The following MSRB3 variants were observed in gnomAD, a reference collection of about 807,000 sequenced individuals.
MSRB3 encodes the protein methionine-R-sulfoxide reductase B3.
A neutral mutation model predicts 21.0 loss-of-function variants in MSRB3; 13 were observed. That is an observed-to-expected ratio of 0.62 (90% confidence interval 0.40 to 0.98). The LOEUF (loss-of-function observed/expected upper bound fraction) is 0.98, where lower values mean the gene tolerates loss of function less well. Among genes scored for constraint, MSRB3 ranks in the 50% least tolerant of loss-of-function variants. The pLI, the probability that MSRB3 is intolerant of heterozygous loss-of-function variation, is 0.00. For synonymous variants in MSRB3, 87 were observed against 88.6 expected, an observed-to-expected ratio of 0.98 and a Z score of 0.10; for missense variants, 199 against 230.3, an observed-to-expected ratio of 0.86 and a Z score of 0.88.
At chr12:65,459,017 T>C (rs573719625) in intron 6 of MSRB3, among the ~76,000 whole-genome samples, 24 of 152,216 alleles carry the variant, frequency 1.6e-4, no homozygotes, top group Non-Finnish European at 2.8e-4. Flanking sequence ...GTGAAGTAAG[T>C]TCCTTCTAGA....
At position 65,397,675 on chromosome 12, in the gene MSRB3, G is replaced by A. The variant is rs2136594257; in HGVS notation, c.292+28649G>A. Among the ~76,000 whole-genome samples, 5 of 152,044 alleles carry A rather than the reference G, an allele frequency of 3.3e-5. 1 individual carries two copies. In the Middle Eastern group the frequency reaches 0.014, roughly 414 times the overall value. On this transcript the variant is annotated intron_variant, in intron 5 of 6. Transcript: ENST00000308259. The stretch of plus-strand genomic sequence containing the variant: ...GCAGAACATGCAGGTTTGTTACATA[G>A]GTATACACGTGCCATGGTGGTTTGC...
At chr12:65,294,073 C>CCCTTCTGTTATCTG (rs1872810981) in intron 1 of MSRB3, among the ~76,000 whole-genome samples, 4 of 152,188 alleles carry the variant, frequency 2.6e-5, no homozygotes, top group Admixed American at 2.6e-4. Context: ...GAATTCCAGG[C>CCCTTCTGTTATCTG]AGTGCCCCCA....
chr12:65,380,589 T>C (rs1019417429), intron 5 of MSRB3, among the ~76,000 whole-genome samples: 4 of 152,056 alleles, frequency 2.6e-5, no homozygotes, highest in Admixed American at 2.6e-4. Flanking sequence ...AGAAAAAGAA[T>C]TGGTACTTAA....
chr12:65,393,740 GACAT>G (rs1775670668), intron 5 of MSRB3, among the ~76,000 whole-genome samples: 1 of 151,424 alleles, frequency 6.6e-6, no homozygotes, highest in African/African-American at 2.4e-5. Context: ...GTTTACAAAG[GACAT>G]ACATACACAC....
At chr12:65,289,990 G>A (rs1162056020) in intron 1 of MSRB3, among the ~76,000 whole-genome samples, 1 of 151,934 alleles carries the variant, frequency 6.6e-6, no homozygotes, top group Non-Finnish European at 1.5e-5. Context: ...CTAAAACTTA[G>A]CATTTATTAT....
intron 2 of MSRB3, among the ~76,000 whole-genome samples, chr12:65,324,937 G>A (rs541109690): frequency 4.9e-4 from 74 of 152,288 alleles, no homozygotes; most frequent in Non-Finnish European, 7.6e-4. Context: ...GGATAGAATT[G>A]TTTGATTTTA....
chr12:65,393,176 T>C (rs984782582), intron 5 of MSRB3, among the ~76,000 whole-genome samples: 1 of 152,216 alleles, frequency 6.6e-6, no homozygotes, highest in South Asian at 2.1e-4. Context: ...TGCATTTACC[T>C]TTGCTATTGT....
chr12:65,350,027 GT>G (rs762746528), intron 4 of MSRB3, among the ~76,000 whole-genome samples: 6,337 of 152,012 alleles, frequency 0.042, 431 homozygotes, highest in African/African-American at 0.14. Context: ...TTCTTCTAGG[GT>G]TTTTATGGTT....
At chr12:65,409,009 C>T (rs1346336673) in intron 5 of MSRB3, among the ~76,000 whole-genome samples, 1 of 152,122 alleles carries the variant, frequency 6.6e-6, no homozygotes, top group Non-Finnish European at 1.5e-5. Flanking sequence ...AGAGGTAAAA[C>T]ATATGAAAGT....
chr12:65,438,203 A>G (rs1466045733), intron 5 of MSRB3, among the ~76,000 whole-genome samples: 1 of 151,950 alleles, frequency 6.6e-6, no homozygotes, highest in African/African-American at 2.4e-5. Flanking sequence ...ATTTGAAAAG[A>G]TCATGATTTC....
intron 4 of MSRB3, among the ~76,000 whole-genome samples, chr12:65,344,492 T>G (rs1876356294): frequency 6.6e-6 from 1 of 152,052 alleles, no homozygotes; most frequent in African/African-American, 2.4e-5. Flanking sequence ...TCCAGAGCAC[T>G]GTGTGGTTCA....
intron 1 of MSRB3, chr12:65,281,701 T>C (rs540382238): frequency 6.6e-6 from 1 of 152,214 alleles, no homozygotes; most frequent in Non-Finnish European, 1.5e-5. Context: ...CAGTTTGATA[T>C]TCAGTTTTGT....
intron 4 of MSRB3, among the ~76,000 whole-genome samples, chr12:65,345,980 A>G (rs1876476103): frequency 6.6e-6 from 1 of 152,124 alleles, no homozygotes; most frequent in Non-Finnish European, 1.5e-5. Context: ...AATCCAGTCT[A>G]TCATTGTTGG....
At chr12:65,455,525 C>G (rs1191090240) in intron 6 of MSRB3, among the ~76,000 whole-genome samples, 2 of 152,040 alleles carry the variant, frequency 1.3e-5, no homozygotes, top group African/African-American at 4.8e-5. Flanking sequence ...CCTTTTTTCT[C>G]TCTGTTATTT....
chr12:65,356,230 A>G (rs1423884077), intron 4 of MSRB3, among the ~76,000 whole-genome samples: 3 of 151,950 alleles, frequency 2.0e-5, no homozygotes, highest in Non-Finnish European at 4.4e-5. Context: ...CTAAGGTTTT[A>G]TAATTTGATT....
chr12:65,418,655 T>C (rs1350143995), intron 5 of MSRB3: 1 of 626,346 alleles, frequency 1.6e-6, no homozygotes, highest in Non-Finnish European at 2.8e-6. Context: ...TTTTGAGTTT[T>C]TTTTTTTTAA....
chr12:65,318,990 G>A (rs950706817), intron 2 of MSRB3, among the ~76,000 whole-genome samples: 1 of 152,160 alleles, frequency 6.6e-6, no homozygotes, highest in African/African-American at 2.4e-5. Flanking sequence ...GTTTCATCAG[G>A]ATGAATGTAG....
At chr12:65,342,839 A>G (rs1214028575) in intron 4 of MSRB3, among the ~76,000 whole-genome samples, 1 of 152,068 alleles carries the variant, frequency 6.6e-6, no homozygotes, top group Non-Finnish European at 1.5e-5. Flanking sequence ...TATAAGTCTA[A>G]AAGAGTATTA....
intron 4 of MSRB3, among the ~76,000 whole-genome samples, chr12:65,333,954 T>G (rs532719783): frequency 2.6e-5 from 4 of 152,312 alleles, no homozygotes; most frequent in South Asian, 4.2e-4. Context: ...GAAAATGAGA[T>G]GTAAGCCATA....
Sources: gnomAD v4.1 joint callset for allele counts (sites outside exome capture counted in the v4.1 genomes callset) on GRCh38, gnomAD v4.1.1 for gene constraint, MANE v1.5 for transcripts, NCBI Gene and HGNC (gene_info 2026-07-23, HGNC 2026-07-21) for gene names.